Variants in RAP1GDS1 observed in about 807,000 individuals in gnomAD.
RAP1GDS1 encodes the protein Rap1 GTPase-GDP dissociation stimulator 1.
A neutral mutation model predicts 71.1 loss-of-function variants in RAP1GDS1; 35 were observed. That is an observed-to-expected ratio of 0.49 (90% CI 0.38 to 0.65). The LOEUF (loss-of-function observed/expected upper bound fraction) is 0.65. RAP1GDS1 is among the 30% of genes least tolerant of loss of function. RAP1GDS1 has a pLI of 0.00. For synonymous variants in RAP1GDS1, 229 were observed against 243.1 expected (o/e 0.94, Z 0.54); for missense variants, 663 against 706.1 (o/e 0.94, Z 0.69).
At chr4:98,347,847 G>C (rs1380728104) in intron 3 of RAP1GDS1, among the ~76,000 whole-genome samples, 5 of 152,162 alleles carry the variant, frequency 3.3e-5, no homozygotes, top group African/African-American at 1.2e-4. Flanking sequence ...CCAGCCAGCT[G>C]TGAAAGATAG....
chr4:98,284,433 A>G (rs1725674791), intron 1 of RAP1GDS1, among the ~76,000 whole-genome samples: 1 of 152,206 alleles, frequency 6.6e-6, no homozygotes, highest in Admixed American at 6.5e-5. Context: ...AGAAAACTTT[A>G]TCTTGTATTC....
chr4:98,309,021 AT>A (rs1359815420), intron 2 of RAP1GDS1, among the ~76,000 whole-genome samples: 1 of 152,042 alleles, frequency 6.6e-6, no homozygotes, highest in African/African-American at 2.4e-5. Flanking sequence ...TGTTTATATT[AT>A]TCAGCCCTGA....
intron 4 of RAP1GDS1, among the ~76,000 whole-genome samples, chr4:98,376,277 A>G (rs1741169706): frequency 6.6e-6 from 1 of 152,118 alleles, no homozygotes; most frequent in African/African-American, 2.4e-5. Context: ...GTTACTTATG[A>G]GAAGAGTGAA....
chr4:98,411,748 A>G lies in RAP1GDS1; in HGVS notation c.764-4997A>G, dbSNP rs59031148. Among the ~76,000 whole-genome samples, 491 of 152,288 alleles carry G rather than the reference A, an allele frequency of 3.2e-3. 2 individuals carry two copies. The highest frequency in any genetic ancestry group is 0.011 in the African/African-American group (472 of 41,570). The stretch of plus-strand genomic sequence containing the variant: ...GATACCATTGAAGGCTTGTTTTTGG[A>G]CTAATTCTTTGCATGTATCATCCTT... On this transcript the variant is annotated intron_variant, in intron 7 of 14. Coordinates refer to ENST00000408927, the MANE Select transcript of RAP1GDS1 (RefSeq NM_001100427.2).
chr4:98,410,626 A>G (rs1370012711), intron 7 of RAP1GDS1, among the ~76,000 whole-genome samples: 1 of 152,242 alleles, frequency 6.6e-6, no homozygotes, highest in African/African-American at 2.4e-5. Context: ...AGTAGAATGA[A>G]TAAATCATAG....
intron 2 of RAP1GDS1, among the ~76,000 whole-genome samples, chr4:98,321,793 C>T (rs992634077): frequency 7.7e-4 from 102 of 133,184 alleles, no homozygotes; most frequent in African/African-American, 2.7e-3. Flanking sequence ...AAGGAACAAC[C>T]GGTACCACCC....
At chr4:98,330,070 T>G (rs999346479) in intron 2 of RAP1GDS1, among the ~76,000 whole-genome samples, 35 of 152,320 alleles carry the variant, frequency 2.3e-4, no homozygotes, top group Non-Finnish European at 4.4e-4. Context: ...CAGCACATCC[T>G]GCACTGCCCT....
intron 10 of RAP1GDS1, 23 bp from the exon 11 acceptor site, chr4:98,419,996 C>T: frequency 6.4e-7 from 1 of 1,570,850 alleles, no homozygotes. Flanking sequence ...ACCATTTTAA[C>T]CATAGTCTCT....
chr4:98,393,057 TTAA>T (rs1423482369), intron 6 of RAP1GDS1, among the ~76,000 whole-genome samples: 2 of 152,110 alleles, frequency 1.3e-5, no homozygotes, highest in African/African-American at 2.4e-5. Context: ...CACAATCATG[TTAA>T]TAATAAATTA....
At chr4:98,332,812 G>T (rs1734186348) in intron 2 of RAP1GDS1, among the ~76,000 whole-genome samples, 1 of 152,088 alleles carries the variant, frequency 6.6e-6, no homozygotes, top group African/African-American at 2.4e-5. Flanking sequence ...CAAATTTTTA[G>T]TTTTGTATCA....
intron 8 of RAP1GDS1, 135 bp downstream of exon 8, chr4:98,417,023 A>C (rs547912427): frequency 9.9e-7 from 1 of 1,010,280 alleles, no homozygotes; most frequent in African/African-American, 1.6e-5. Context: ...TGATTTTGAC[A>C]TCTTAAACAT....
intron 2 of RAP1GDS1, among the ~76,000 whole-genome samples, chr4:98,340,733 A>G (rs1295429400): frequency 6.6e-6 from 1 of 152,104 alleles, no homozygotes; most frequent in Non-Finnish European, 1.5e-5. Flanking sequence ...TAGTTGAAAG[A>G]GCAAGACTCC....
chr4:98,425,379 C>T (rs1304011377), intron 12 of RAP1GDS1, among the ~76,000 whole-genome samples: 1 of 151,982 alleles, frequency 6.6e-6, no homozygotes, highest in Admixed American at 6.6e-5. Flanking sequence ...TGGAATAGTA[C>T]CTCACATCTC....
At chr4:98,343,302 C>A (rs367954023) in intron 3 of RAP1GDS1, 41 bp downstream of exon 3, 1 of 1,540,910 alleles carries the variant, frequency 6.5e-7, no homozygotes, top group Admixed American at 1.7e-5. Context: ...GGAACGTCTT[C>A]AGTTTTACAT....
At chr4:98,419,698 C>T (rs373364784) in intron 10 of RAP1GDS1, among the ~76,000 whole-genome samples, 114 of 152,204 alleles carry the variant, frequency 7.5e-4, no homozygotes, top group South Asian at 4.1e-3. Context: ...CGGAATTGTG[C>T]TTTTTGTTGT....
intron 1 of RAP1GDS1, among the ~76,000 whole-genome samples, chr4:98,280,531 T>G (rs1385666408): frequency 2.0e-5 from 3 of 152,206 alleles, no homozygotes; most frequent in Non-Finnish European, 4.4e-5. Flanking sequence ...ATGGGTAGAT[T>G]GCAAAAATTT....
intron 2 of RAP1GDS1, among the ~76,000 whole-genome samples, chr4:98,332,051 T>C (rs1734093841): frequency 6.6e-6 from 1 of 152,210 alleles, no homozygotes; most frequent in Admixed American, 6.5e-5. Context: ...AAATGCAAAG[T>C]CTTTGTTTCT....
chr4:98,307,654 A>G (rs1258941103), intron 2 of RAP1GDS1, among the ~76,000 whole-genome samples: 1 of 152,074 alleles, frequency 6.6e-6, no homozygotes, highest in Non-Finnish European at 1.5e-5. Context: ...TTTTTTCTGT[A>G]TAACTTCTAA....
rs1416788362 is a variant in RAP1GDS1, at chr4:98,443,008, GA to G, written c.*893del. On this transcript the variant is annotated 3_prime_UTR_variant, in exon 15 of 15. Coordinates refer to ENST00000408927, the MANE Select transcript of RAP1GDS1 (RefSeq NM_001100427.2). ...AGGAAATTGAGTATAGTTCATTGAA[GA>G]ATGGAATTTTTTTTTTTTTTTTTTT... The G allele has an allele frequency of 1.3e-4, 22 of 164,942 alleles. No individual in the cohort carries two copies. Among genetic ancestry groups the G allele is most frequent in the Non-Finnish European group, 2.4e-4 (22 of 90,342 alleles). The allele number at this position is 164,942 out of a possible 1,614,324, so 10.2% of individuals were successfully genotyped here. A position where few individuals can be genotyped will look rare whatever the true frequency, so the allele number is the denominator to read the frequency against.
Sources: allele counts gnomAD v4.1 joint callset (sites outside exome capture counted in the v4.1 genomes callset), GRCh38; gene constraint gnomAD v4.1.1; transcripts MANE v1.5; gene names NCBI Gene and HGNC (gene_info 2026-07-23, HGNC 2026-07-21).